The following LRMDA variants were observed in gnomAD, a reference collection of about 807,000 sequenced individuals.
The protein encoded by LRMDA is leucine-rich melanocyte differentiation-associated protein.
A neutral mutation model predicts 29.8 loss-of-function variants in LRMDA; 18 were observed. That is an observed-to-expected ratio of 0.60 (90% CI 0.42 to 0.90). The LOEUF is 0.90. Among genes scored for constraint, LRMDA ranks in the 40% least tolerant of loss-of-function variants. LRMDA has a pLI of 0.00. For synonymous variants in LRMDA, 125 were observed against 109.4 expected (o/e 1.14, Z -0.89); for missense variants, 273 against 273.9 (o/e 1.00, Z 0.02).
chr10:75,560,632 C>T (rs1467129571), intron 2 of LRMDA, among the ~76,000 whole-genome samples: 1 of 150,622 alleles, frequency 6.6e-6, no homozygotes, highest in Non-Finnish European at 1.5e-5. Context: ...GGGAATGCTT[C>T]CAGTTTTTGC....
chr10:76,050,537 G>A (rs965583743), intron 4 of LRMDA, among the ~76,000 whole-genome samples: 1 of 152,312 alleles, frequency 6.6e-6, no homozygotes, highest in East Asian at 1.9e-4. Context: ...TATTATAGGA[G>A]CTTAAACCTG....
At chr10:75,516,814 T>C (rs1263404112) in intron 2 of LRMDA, among the ~76,000 whole-genome samples, 1 of 152,150 alleles carries the variant, frequency 6.6e-6, no homozygotes, top group East Asian at 1.9e-4. Flanking sequence ...GATTTTCTTC[T>C]AGGGTTTTAT....
chr10:75,764,881 A>G (rs573850477), intron 2 of LRMDA, among the ~76,000 whole-genome samples: 1 of 151,194 alleles, frequency 6.6e-6, no homozygotes, highest in Admixed American at 6.6e-5. Context: ...GGGATCCTTC[A>G]AGGGTCCGGC....
Position 76,287,989 on chromosome 10 carries a change from CATTT to C in LRMDA, c.517-36407_517-36404del, listed in dbSNP as rs574344234. ...CAGCTTCTTCGTTTAATTTCCAGTT[CATTT>C]ATTTGAGTACTGTCAAAAACCAAAA... On this transcript the variant is annotated intron_variant, in intron 5 of 6. Transcript: ENST00000611255. 1.7e-3 allele frequency among the ~76,000 whole-genome samples: 261 copies of C among 152,284 alleles called. 1 individual carries two copies. Among genetic ancestry groups the C allele is most frequent in the Admixed American group, 3.9e-3 (59 of 15,288 alleles).
intron 5 of LRMDA, among the ~76,000 whole-genome samples, chr10:76,159,159 T>G (rs1329143389): frequency 6.6e-6 from 1 of 152,216 alleles, no homozygotes; most frequent in Non-Finnish European, 1.5e-5. Context: ...AAAGTGATTA[T>G]GCTGAATAAA....
intron 2 of LRMDA, among the ~76,000 whole-genome samples, chr10:75,456,313 TCA>T (rs137983119): frequency 0.012 from 1,783 of 152,340 alleles, 17 homozygotes; most frequent in Non-Finnish European, 0.019. Flanking sequence ...ATGTGCCTCT[TCA>T]CACCCAGCAA....
intron 6 of LRMDA, among the ~76,000 whole-genome samples, chr10:76,348,421 T>G (rs1841135384): frequency 6.6e-6 from 1 of 152,184 alleles, no homozygotes; most frequent in South Asian, 2.1e-4. Flanking sequence ...AAAGTAAAAG[T>G]GCTTAAGCAC....
intron 5 of LRMDA, among the ~76,000 whole-genome samples, chr10:76,065,770 G>T (rs554278074): frequency 6.6e-6 from 1 of 152,332 alleles, no homozygotes; most frequent in South Asian, 2.1e-4. Flanking sequence ...TCTAAGGGAG[G>T]AATACACTTC....
At chr10:75,895,485 A>T (rs990526390) in intron 2 of LRMDA, among the ~76,000 whole-genome samples, 5 of 152,216 alleles carry the variant, frequency 3.3e-5, no homozygotes, top group African/African-American at 1.2e-4. Context: ...AAGGTCACAC[A>T]GCTGGCTAGT....
intron 2 of LRMDA, among the ~76,000 whole-genome samples, chr10:75,946,163 T>G (rs995473371): frequency 6.6e-6 from 1 of 152,190 alleles, no homozygotes; most frequent in Non-Finnish European, 1.5e-5. Context: ...CTCTTCCACT[T>G]GGCCCACTTG....
intron 2 of LRMDA, among the ~76,000 whole-genome samples, chr10:75,651,346 T>C (rs1841597429): frequency 6.6e-6 from 1 of 152,152 alleles, no homozygotes; most frequent in Non-Finnish European, 1.5e-5. Flanking sequence ...TAAAGGGTTA[T>C]GTTTGAGGGT....
intron 5 of LRMDA, among the ~76,000 whole-genome samples, chr10:76,191,489 C>A (rs1395373208): frequency 6.6e-6 from 1 of 152,190 alleles, no homozygotes; most frequent in Non-Finnish European, 1.5e-5. Context: ...GAGGCTGATG[C>A]CCATGACTGC....
At chr10:76,230,816 T>C (rs1852045531) in intron 5 of LRMDA, among the ~76,000 whole-genome samples, 2 of 152,326 alleles carry the variant, frequency 1.3e-5, no homozygotes, top group African/African-American at 2.4e-5. Context: ...AGGAAAATAG[T>C]TTAATTACAT....
At chr10:76,283,997 G>C (rs143593068) in intron 5 of LRMDA, among the ~76,000 whole-genome samples, 310 of 152,244 alleles carry the variant, frequency 2.0e-3, no homozygotes, top group African/African-American at 6.9e-3. Flanking sequence ...CAGAGAATAT[G>C]AATGTAATTA....
chr10:76,029,961 CTG>C (rs1472014052), intron 2 of LRMDA, among the ~76,000 whole-genome samples: 1 of 152,086 alleles, frequency 6.6e-6, no homozygotes, highest in African/African-American at 2.4e-5. Flanking sequence ...AGTGACATGA[CTG>C]TAGCTCACTG....
intron 2 of LRMDA, among the ~76,000 whole-genome samples, chr10:75,963,542 T>C (rs991021034): frequency 3.3e-5 from 5 of 152,216 alleles, no homozygotes; most frequent in Admixed American, 2.6e-4. Flanking sequence ...GCCCATGCAG[T>C]CTATGCAAAA....
At chr10:75,512,968 GT>G (rs971227247) in intron 2 of LRMDA, among the ~76,000 whole-genome samples, 9 of 152,040 alleles carry the variant, frequency 5.9e-5, no homozygotes, top group African/African-American at 2.2e-4. Flanking sequence ...TACCATATCA[GT>G]TGTTATGTGA....
At chr10:75,839,015 T>C (rs1844488669) in intron 2 of LRMDA, among the ~76,000 whole-genome samples, 1 of 152,052 alleles carries the variant, frequency 6.6e-6, no homozygotes, top group Non-Finnish European at 1.5e-5. Flanking sequence ...CTCTGAAGGA[T>C]TTGGGGGAGT....
At chr10:76,273,191 G>A (rs1413522133) in intron 5 of LRMDA, among the ~76,000 whole-genome samples, 5 of 152,082 alleles carry the variant, frequency 3.3e-5, no homozygotes, top group Non-Finnish European at 7.4e-5. Context: ...ATCTCCACAT[G>A]TATCCCTTCT....
Sources: gnomAD v4.1 joint callset for allele counts (sites outside exome capture counted in the v4.1 genomes callset) on GRCh38, gnomAD v4.1.1 for gene constraint, MANE v1.5 for transcripts, NCBI Gene and HGNC (gene_info 2026-07-23, HGNC 2026-07-21) for gene names.